Variants in INVS observed in about 807,000 individuals in gnomAD.
INVS encodes the protein inversion of embryo turning homolog.
A neutral mutation model predicts 108.8 loss-of-function variants in INVS; 86 were observed. The ratio of observed to expected loss-of-function variants is 0.79; its 90% CI spans 0.66 to 0.95. INVS has a LOEUF of 0.95. Ranked by LOEUF, INVS falls within the 40% of genes least tolerant of loss-of-function variation. The pLI, the probability that INVS is intolerant of heterozygous loss-of-function variation, is 0.00. For synonymous variants in INVS, 455 were observed against 473.5 expected (o/e 0.96, Z 0.51); for missense variants, 1,169 against 1,297.4 (o/e 0.90, Z 1.52).
At chr9:100,290,815 G>A (rs1004671341) in intron 13 of INVS, among the ~76,000 whole-genome samples, 3 of 151,914 alleles carry the variant, frequency 2.0e-5, no homozygotes, top group Admixed American at 2.0e-4. Flanking sequence ...AGCCTCAAGC[G>A]ACCTTTCACC....
At chr9:100,219,230 C>A (rs1292362343) in intron 3 of INVS, among the ~76,000 whole-genome samples, 1 of 151,998 alleles carries the variant, frequency 6.6e-6, no homozygotes, top group Non-Finnish European at 1.5e-5. Context: ...TGAGTTACAA[C>A]ACAAGAAGGC....
chr9:100,182,292 G>A (rs189670139), intron 3 of INVS, among the ~76,000 whole-genome samples: 182 of 152,234 alleles, frequency 1.2e-3, no homozygotes, highest in Admixed American at 2.2e-3. Context: ...AAGAGCTTTG[G>A]CACAGCAAAA....
chr9:100,140,963 G>C (rs1828408703), intron 3 of INVS, among the ~76,000 whole-genome samples: 1 of 152,170 alleles, frequency 6.6e-6, no homozygotes, highest in Admixed American at 6.5e-5. Flanking sequence ...AGGAGGTTCA[G>C]CATAGTTCTG....
intron 12 of INVS, among the ~76,000 whole-genome samples, chr9:100,273,535 T>TC (rs1368503331): frequency 3.4e-5 from 2 of 59,322 alleles, no homozygotes; most frequent in Non-Finnish European, 9.6e-5. Context: ...TTCTTTTTTT[T>TC]TTTTTTTTTT....
At chr9:100,187,882 G>C (rs1402012508) in intron 3 of INVS, among the ~76,000 whole-genome samples, 1 of 151,966 alleles carries the variant, frequency 6.6e-6, no homozygotes, top group African/African-American at 2.4e-5. Flanking sequence ...TCATCTTTCT[G>C]GTTAAGTATA....
chr9:100,213,548 G>A (rs1830898779), intron 3 of INVS, among the ~76,000 whole-genome samples: 1 of 152,046 alleles, frequency 6.6e-6, no homozygotes, highest in Non-Finnish European at 1.5e-5. Context: ...ATTATTTGCG[G>A]AGTTTGAGAT....
chr9:100,297,864 A>C (rs2118785807), intron 15 of INVS, 72 bp from the exon 16 acceptor site: 2 of 1,461,470 alleles, frequency 1.4e-6, no homozygotes, highest in East Asian at 4.5e-5. Context: ...TACCACAATA[A>C]GGAATTCAGA....
intron 5 of INVS, among the ~76,000 whole-genome samples, chr9:100,234,577 T>C (rs558534991): frequency 6.6e-6 from 1 of 152,220 alleles, no homozygotes; most frequent in African/African-American, 2.4e-5. Flanking sequence ...TTTGTTCTCA[T>C]TGGTTTCAAA....
At chr9:100,178,973 G>A (rs1294899915) in intron 3 of INVS, among the ~76,000 whole-genome samples, 1 of 152,148 alleles carries the variant, frequency 6.6e-6, no homozygotes, top group Non-Finnish European at 1.5e-5. Context: ...AAGAGAGTGA[G>A]GGTCAATATT....
chr9:100,168,987 T>C (rs1475860463), intron 3 of INVS, among the ~76,000 whole-genome samples: 2 of 152,186 alleles, frequency 1.3e-5, no homozygotes, highest in East Asian at 3.8e-4. Context: ...ATTGCATAAG[T>C]TGTCATCTCA....
intron 5 of INVS, among the ~76,000 whole-genome samples, chr9:100,231,747 C>G (rs1019027392): frequency 2.0e-5 from 3 of 152,130 alleles, no homozygotes; most frequent in African/African-American, 7.2e-5. Flanking sequence ...TTTATCCAGT[C>G]TATCATTGAT....
chr9:100,155,506 T>G (rs999272482), intron 3 of INVS, among the ~76,000 whole-genome samples: 6 of 152,014 alleles, frequency 3.9e-5, no homozygotes, highest in African/African-American at 1.4e-4. Flanking sequence ...CCAGCTAATT[T>G]TTTGTATTTT....
chr9:100,280,302 T>C (rs542476846), intron 12 of INVS, among the ~76,000 whole-genome samples: 1 of 152,336 alleles, frequency 6.6e-6, no homozygotes, highest in South Asian at 2.1e-4. Flanking sequence ...TGGAAACTCC[T>C]CTTCACCCTG....
intron 3 of INVS, among the ~76,000 whole-genome samples, chr9:100,193,451 C>T (rs185793838): frequency 4.6e-5 from 7 of 152,210 alleles, no homozygotes; most frequent in East Asian, 1.9e-4. Context: ...ATTCCTTCTG[C>T]GTATTTAGTA....
At chr9:100,233,184 G>A (rs1301353746) in intron 5 of INVS, among the ~76,000 whole-genome samples, 1 of 152,064 alleles carries the variant, frequency 6.6e-6, no homozygotes, top group Non-Finnish European at 1.5e-5. Flanking sequence ...TCTGTTTTTG[G>A]TGTATAGGAA....
chr9:100,146,651 TTTAA>T (rs1383344581), intron 3 of INVS, among the ~76,000 whole-genome samples: 2 of 152,212 alleles, frequency 1.3e-5, no homozygotes, highest in Non-Finnish European at 2.9e-5. Context: ...TGACACTATA[TTTAA>T]TTATTAAATT....
At chr9:100,144,669 G>C (rs1429297323) in intron 3 of INVS, among the ~76,000 whole-genome samples, 2 of 152,126 alleles carry the variant, frequency 1.3e-5, no homozygotes, top group African/African-American at 4.8e-5. Flanking sequence ...AGCCAGACTG[G>C]GTGTGAGGAG....
At chr9:100,175,746 A>G (rs1293077327) in intron 3 of INVS, 3 of 627,726 alleles carry the variant, frequency 4.8e-6, no homozygotes, top group Admixed American at 1.9e-5. Context: ...GACCTGTAGC[A>G]GTTCGGCCTG....
At position 100,177,828 on chromosome 9, in the gene INVS, C is replaced by A. The variant is rs904776642; in HGVS notation, c.274-48234C>A. ...GGTCCCTGATTCCGGTGCCTCCTGA[C>A]TGGGAGACACCTCCCAGCAGGGGCC... On this transcript the variant is annotated intron_variant, in intron 3 of 16. Transcript: ENST00000262457. 3.3e-5 allele frequency among the ~76,000 whole-genome samples: 5 copies of A among 152,200 alleles called. No individual in the cohort carries two copies. The East Asian group carries it at 7.7e-4, about 24-fold the overall frequency.
Sources: gnomAD v4.1 joint callset for allele counts (sites outside exome capture counted in the v4.1 genomes callset) on GRCh38, gnomAD v4.1.1 for gene constraint, MANE v1.5 for transcripts, NCBI Gene and HGNC (gene_info 2026-07-23, HGNC 2026-07-21) for gene names.